The following N4BP1 variants were observed in gnomAD, a reference collection of about 807,000 sequenced individuals.
N4BP1 encodes the protein NEDD4-binding protein 1.
N4BP1 carries 21 observed loss-of-function variants against 70.9 expected under a neutral mutation model. That is an observed-to-expected ratio of 0.30 (90% CI 0.21 to 0.43). The LOEUF (loss-of-function observed/expected upper bound fraction) is 0.43. N4BP1 is among the 20% of genes least tolerant of loss of function. The pLI is 1.00. For missense variants in N4BP1, 936 were observed against 1,069.4 expected (o/e 0.88, Z 1.74); for synonymous variants, 387 against 394.6 (o/e 0.98, Z 0.23).
chr16:48,549,677 C>T (rs1209373499), intron 4 of N4BP1, among the ~76,000 whole-genome samples: 1 of 152,202 alleles, frequency 6.6e-6, no homozygotes, highest in Admixed American at 6.5e-5. Context: ...CAGATCTGGT[C>T]TTGCATACCA....
At chr16:48,589,402 A>G (rs1964299005) in intron 1 of N4BP1, among the ~76,000 whole-genome samples, 1 of 152,166 alleles carries the variant, frequency 6.6e-6, no homozygotes, top group Non-Finnish European at 1.5e-5. Flanking sequence ...AATCACGCCT[A>G]TGTAATGAGG....
intron 1 of N4BP1, among the ~76,000 whole-genome samples, chr16:48,598,772 G>C (rs566157725): frequency 6.6e-6 from 1 of 152,224 alleles, no homozygotes; most frequent in African/African-American, 2.4e-5. Context: ...CTGTACACAA[G>C]TGGGTAAAAC....
At chr16:48,585,967 A>G (rs1478979372) in intron 1 of N4BP1, among the ~76,000 whole-genome samples, 3 of 152,142 alleles carry the variant, frequency 2.0e-5, no homozygotes, top group Non-Finnish European at 4.4e-5. Context: ...AAGTGCTGGG[A>G]TTACGGGTGT....
At chr16:48,551,551 A>C in intron 3 of N4BP1, 69 bp from the exon 4 acceptor site, 1 of 1,113,994 alleles carries the variant, frequency 9.0e-7, no homozygotes, top group Non-Finnish European at 1.3e-6. Context: ...AAGAAATGAA[A>C]GTACACTCAA....
chr16:48,540,510 A>G lies in N4BP1; in HGVS notation c.*2394T>C, dbSNP rs1404367625. On this transcript the variant is annotated 3_prime_UTR_variant, in exon 7 of 7. Transcript: ENST00000262384. ...ATGCAGCCTACAGGGGTTCAAACAGACTGCTTGCATTAAGGTCAGACAAGG... is the reference window on the plus strand; with the variant it reads ...ATGCAGCCTACAGGGGTTCAAACAGGCTGCTTGCATTAAGGTCAGACAAGG... 2.0e-5 allele frequency: 3 copies of G among 152,310 alleles called. No homozygotes were observed. Among genetic ancestry groups the G allele is most frequent in the African/African-American group, 7.2e-5 (3 of 41,460 alleles). The allele number at this position is 152,310 out of a possible 1,614,324, so 9.4% of individuals were successfully genotyped here.
chr16:48,553,590 T>C lies in N4BP1; in HGVS notation c.1969A>G (p.Ile657Val). The C allele has an allele frequency of 6.2e-7, 1 of 1,608,912 alleles. No individual in the cohort carries two copies. The highest frequency in any genetic ancestry group is 1.3e-5 in the African/African-American group (1 of 74,996). ...CTCCACTGAGGGACAAATACAGTGA[T>C]GTTTCTGTTGCCAAGCTTCCAAAAA... Reference protein sequence around the residue: ...EYFWKLGNRNITVFVPQWRTR... With the variant: ...EYFWKLGNRNVTVFVPQWRTR... Residue 657 changes from isoleucine to valine, a missense_variant, in exon 3 of 7, where the codon ATC (isoleucine) becomes GTC (valine). Physicochemically the swap from Ile to Val is conservative, Grantham distance 29. Coordinates refer to ENST00000262384, the MANE Select transcript of N4BP1 (RefSeq NM_153029.4).
intron 6 of N4BP1, among the ~76,000 whole-genome samples, chr16:48,544,477 A>G (rs1264169148): frequency 6.6e-6 from 1 of 152,166 alleles, no homozygotes; most frequent in Admixed American, 6.5e-5. Flanking sequence ...TGCAAATACC[A>G]GCTGGGAATG....
chr16:48,605,849 C>T (rs1964572107), intron 1 of N4BP1, among the ~76,000 whole-genome samples: 1 of 152,140 alleles, frequency 6.6e-6, no homozygotes, highest in Admixed American at 6.6e-5. Context: ...AGGCCCCAAG[C>T]ACTTTGTGAT....
Position 48,560,088 on chromosome 16 carries a change from T to G in N4BP1, c.1889+666A>C, listed in dbSNP as rs950585433. ...CCTCACACTCTCCTTAGCCACGATC[T>G]TAAACTGCCCCTTAGAAAAAAAACC... On this transcript the variant is annotated intron_variant, in intron 2 of 6. Transcript: ENST00000262384. 2.2e-5 allele frequency among the ~76,000 whole-genome samples: 3 copies of G among 137,330 alleles called. No homozygotes were observed. In the Admixed American group the frequency reaches 2.2e-4, roughly 10 times the overall value. 90.1% of individuals were successfully genotyped at this position (137,330 alleles called of 152,430 possible). A position where few individuals can be genotyped will look rare whatever the true frequency, so the allele number is the denominator to read the frequency against.
At position 48,591,036 on chromosome 16, in the gene N4BP1, G is replaced by C. The variant is rs149928112; in HGVS notation, c.198+18739C>G. 1.5e-4 allele frequency among the ~76,000 whole-genome samples: 23 copies of C among 152,292 alleles called. No individual in the cohort carries two copies. In the East Asian group the frequency reaches 4.0e-3, roughly 27 times the overall value. On this transcript the variant is annotated intron_variant, in intron 1 of 6. Coordinates refer to ENST00000262384, the MANE Select transcript of N4BP1 (RefSeq NM_153029.4). ...AAGCTCTTCTGTCTGTCTTGTCTTT[G>C]TGTGTTTCTGTATATGGTGGGGATC... is the stretch of plus-strand genomic sequence containing the variant.
chr16:48,550,838 A>C (rs1963655159), intron 4 of N4BP1, among the ~76,000 whole-genome samples: 1 of 152,080 alleles, frequency 6.6e-6, no homozygotes, highest in South Asian at 2.1e-4. Context: ...GAATCGCTTG[A>C]ACCCAGGAGG....
chr16:48,539,377 C>G lies in N4BP1; in HGVS notation c.*3527G>C, dbSNP rs779031580. 2.0e-5 allele frequency: 3 copies of G among 152,252 alleles called. No individual in the cohort carries two copies. The highest frequency in any genetic ancestry group is 7.3e-5 in the African/African-American group (3 of 41,352). 9.4% of individuals were successfully genotyped at this position (152,252 alleles called of 1,614,324 possible). Reference sequence around the variant, plus strand: ...CACGAGGGCAGAGCAGGGGACCATACGGAGGGTGGGTGTGGAAGAAGGGAG... The same window carrying G: ...CACGAGGGCAGAGCAGGGGACCATAGGGAGGGTGGGTGTGGAAGAAGGGAG... On this transcript the variant is annotated 3_prime_UTR_variant, in exon 7 of 7. Coordinates refer to ENST00000262384, the MANE Select transcript of N4BP1 (RefSeq NM_153029.4).
At chr16:48,553,226 A>C (rs1963701829) in intron 3 of N4BP1, among the ~76,000 whole-genome samples, 1 of 152,240 alleles carries the variant, frequency 6.6e-6, no homozygotes, top group East Asian at 1.9e-4. Flanking sequence ...CAAAAATACT[A>C]TCTAAACAGT....
At chr16:48,550,939 A>G (rs952162490) in intron 4 of N4BP1, among the ~76,000 whole-genome samples, 6 of 152,032 alleles carry the variant, frequency 3.9e-5, no homozygotes, top group African/African-American at 1.4e-4. Flanking sequence ...AAAAAGAAAG[A>G]AAAGAAATGC....
chr16:48,561,071 A>T lies in N4BP1; in HGVS notation c.1572T>A (p.Asn524Lys). 1 of 1,613,970 alleles carries T rather than the reference A, an allele frequency of 6.2e-7. No homozygotes were observed. Among genetic ancestry groups the T allele is most frequent in the Middle Eastern group, 1.6e-4 (1 of 6,062 alleles). ...AGGGTTCTGGCTGCTGGTGTAAACCATTTTCAGGAAAAAGTGGAACTCTGG... is the reference window on the plus strand; with the variant it reads ...AGGGTTCTGGCTGCTGGTGTAAACCTTTTTCAGGAAAAAGTGGAACTCTGG... ...HQPRVPLFPE[N>K]GLHQQPEPLL... Residue 524 changes from asparagine (N) to lysine (K), a missense_variant, in exon 2 of 7, where the codon AAT becomes AAA. Asn to Lys is a moderately conservative substitution (Grantham distance 94, BLOSUM62 0). This residue lies in a region of N4BP1 where 515 missense variants were observed against 491.7 expected (regional missense o/e 1.05). Coordinates refer to ENST00000262384, the MANE Select transcript of N4BP1 (RefSeq NM_153029.4).
chr16:48,545,071 T>G (rs1963569142), intron 6 of N4BP1, among the ~76,000 whole-genome samples: 1 of 151,970 alleles, frequency 6.6e-6, no homozygotes, highest in African/African-American at 2.4e-5. Flanking sequence ...TTCAAGTGAT[T>G]CTCCTGCCTC....
chr16:48,567,889 G>C (rs1963965615), intron 1 of N4BP1, among the ~76,000 whole-genome samples: 1 of 152,022 alleles, frequency 6.6e-6, no homozygotes, highest in Non-Finnish European at 1.5e-5. Context: ...GGTGTAGACT[G>C]CTTGACCCAA....
chr16:48,610,015 G>C lies in N4BP1; in HGVS notation c.-43C>G. ...GCGGCGGCGCCGGGGGCCGGCGGCG[G>C]CGACGCCCCCTCAGCTTGCTGCCGC... On this transcript the variant is annotated 5_prime_UTR_variant, in exon 1 of 7. Coordinates refer to ENST00000262384, the MANE Select transcript of N4BP1 (RefSeq NM_153029.4). The C allele has an allele frequency of 1.9e-6, 2 of 1,072,548 alleles. No homozygotes were observed. The highest frequency in any genetic ancestry group is 2.3e-6 in the Non-Finnish European group (2 of 880,256). The allele number at this position is 1,072,548 out of a possible 1,614,324, so 66.4% of individuals were successfully genotyped here.
intron 2 of N4BP1, among the ~76,000 whole-genome samples, chr16:48,556,617 T>G (rs969756100): frequency 1.3e-5 from 2 of 152,186 alleles, no homozygotes; most frequent in African/African-American, 4.8e-5. Context: ...GGTTAAAGGT[T>G]ATATCATCTG....
Sources: gnomAD v4.1 joint callset for allele counts (sites outside exome capture counted in the v4.1 genomes callset) on GRCh38, gnomAD v4.1.1 for gene constraint, gnomAD v4.1.1 regional missense constraint, MANE v1.5 for transcripts, NCBI Gene and HGNC (gene_info 2026-07-23, HGNC 2026-07-21) for gene names.